The following MTMR7 variants were observed in gnomAD, a reference collection of about 807,000 sequenced individuals.
MTMR7 encodes phosphatidylinositol-3-phosphate phosphatase MTMR7.
In MTMR7, 76 loss-of-function variants were observed where a neutral mutation model predicts 81.2. The ratio of observed to expected loss-of-function variants is 0.94; its 90% CI spans 0.78 to 1.13. The LOEUF (loss-of-function observed/expected upper bound fraction) is 1.13. MTMR7 is among the 50% of genes most tolerant of loss of function. The pLI is 0.00. For missense variants in MTMR7, 1,044 were observed against 820.0 expected (o/e 1.27, Z -3.34); for synonymous variants, 372 against 289.8 (o/e 1.28, Z -2.88).
chr8:17,344,719 A>G (rs1197440882), intron 5 of MTMR7, among the ~76,000 whole-genome samples: 1 of 152,206 alleles, frequency 6.6e-6, no homozygotes, highest in Non-Finnish European at 1.5e-5. Context: ...CAGTTTTCTC[A>G]TCTATAAAAT....
intron 2 of MTMR7, among the ~76,000 whole-genome samples, chr8:17,372,380 G>C (rs993112576): frequency 1.8e-4 from 28 of 152,142 alleles, no homozygotes; most frequent in African/African-American, 4.3e-4. Context: ...CAGGTCAGGA[G>C]TTTGAGGCCA....
chr8:17,334,562 T>G (rs950859909), intron 6 of MTMR7, among the ~76,000 whole-genome samples: 27 of 152,244 alleles, frequency 1.8e-4, no homozygotes, highest in Non-Finnish European at 3.5e-4. Flanking sequence ...ACAAGGTTCA[T>G]TTGCTGTTTG....
chr8:17,331,291 G>C lies in MTMR7; in HGVS notation c.733-9C>G, dbSNP rs373586018. On this transcript the variant is annotated splice_polypyrimidine_tract_variant and intron_variant, in intron 6 of 13. Transcript: ENST00000180173. The stretch of plus-strand genomic sequence containing the variant: ...TTTGCCATTGCATTAAGCTGCAGTG[G>C]TCAGCAAAACAGAACAGTCATCAAT... 41 of 1,584,082 alleles carry C rather than the reference G, an allele frequency of 2.6e-5. No individual in the cohort carries two copies. Among genetic ancestry groups the C allele is most frequent in the Non-Finnish European group, 3.4e-5 (40 of 1,168,778 alleles).
At chr8:17,302,702 A>ACCC (rs1460018324) in intron 12 of MTMR7, among the ~76,000 whole-genome samples, 5 of 21,778 alleles carry the variant, frequency 2.3e-4, no homozygotes, top group Non-Finnish European at 7.4e-4. Flanking sequence ...CATTGGCAAT[A>ACCC]ACCCCCCCCC....
At chr8:17,306,809 T>G (rs1364842919) in intron 10 of MTMR7, among the ~76,000 whole-genome samples, 2 of 152,200 alleles carry the variant, frequency 1.3e-5, no homozygotes, top group African/African-American at 4.8e-5. Flanking sequence ...TTGGTAGCTT[T>G]AAAAAGTGTT....
intron 1 of MTMR7, among the ~76,000 whole-genome samples, chr8:17,412,728 T>G (rs1448243906): frequency 1.3e-5 from 2 of 152,158 alleles, no homozygotes; most frequent in African/African-American, 4.8e-5. Flanking sequence ...TGAATATTGA[T>G]TATCCGTTCT....
At chr8:17,363,332 A>AG (rs1227545272) in intron 3 of MTMR7, among the ~76,000 whole-genome samples, 11 of 152,234 alleles carry the variant, frequency 7.2e-5, no homozygotes, top group African/African-American at 2.7e-4. Context: ...CAGTTCCCTG[A>AG]GTGAAAGAAG....
rs779278498 is a variant in MTMR7 at position 17,361,118 on chromosome 8, C to T, written c.467G>A (p.Arg156Lys). 3.7e-6 allele frequency: 6 copies of T among 1,614,012 alleles called. No individual in the cohort carries two copies. The African/African-American group carries it at 8.0e-5, about 22-fold the overall frequency. Residue 156 changes from arginine to lysine, a missense_variant and splice_region_variant, in exon 4 of 14, where the codon AGA becomes AAA. By Grantham distance (26) the Arg-to-Lys change is conservative (BLOSUM62 2). Coordinates refer to ENST00000180173, the MANE Select transcript of MTMR7 (RefSeq NM_004686.5). ...AGTGTTTGGGTTTCACGCACTCACTCTGTAGTCTCTATTCACATCGCTGAG... is the reference window on the plus strand; with the variant it reads ...AGTGTTTGGGTTTCACGCACTCACTTTGTAGTCTCTATTCACATCGCTGAG... ...WQLSDVNRDY[R>K]VCDSYPTELY... is the part of the protein sequence containing the mutation.
rs759135673 is a variant in MTMR7 at position 17,348,952 on chromosome 8, C to T, written c.597+1G>A. ...AAACAAAAACACGCCTCGAGACTTA[C>T]GTGGTTATCTTTATAATAGTAAGAA... On this transcript the variant is annotated splice_donor_variant, in intron 5 of 13. Transcript: ENST00000180173. LOFTEE classifies it high-confidence loss of function. The T allele has an allele frequency of 4.3e-6, 7 of 1,613,600 alleles. No homozygotes were observed. The highest frequency in any genetic ancestry group is 5.9e-6 in the Non-Finnish European group (7 of 1,179,920).
intron 6 of MTMR7, among the ~76,000 whole-genome samples, chr8:17,336,352 T>C (rs1257463450): frequency 1.3e-5 from 2 of 152,050 alleles, no homozygotes; most frequent in African/African-American, 4.8e-5. Context: ...AATTTCTCCA[T>C]CCTTGCCCTG....
intron 4 of MTMR7, among the ~76,000 whole-genome samples, chr8:17,351,592 G>A (rs1017883298): frequency 7.2e-5 from 11 of 152,180 alleles, no homozygotes; most frequent in South Asian, 2.1e-4. Flanking sequence ...AACAACCTGC[G>A]CCCAGTCACC....
Position 17,383,476 on chromosome 8 carries a change from C to T in MTMR7, c.25-10236G>A, listed in dbSNP as rs564933392. ...ATGAAAAATCAATCAACTGCCCAAG[C>T]CTCGCATCTAGAAAGTGGCAGAGCC... On this transcript the variant is annotated intron_variant, in intron 1 of 13. Transcript: ENST00000180173. Among the ~76,000 whole-genome samples, 73 of 152,212 alleles carry T rather than the reference C, an allele frequency of 4.8e-4. 2 individuals are homozygous for T. Among genetic ancestry groups the T allele is most frequent in the Non-Finnish European group, 1.2e-4 (8 of 68,040 alleles).
chr8:17,399,418 T>A (rs1350213881), intron 1 of MTMR7, among the ~76,000 whole-genome samples: 2 of 151,566 alleles, frequency 1.3e-5, no homozygotes, highest in Admixed American at 1.3e-4. Flanking sequence ...AGGAAACAAT[T>A]TAACTTAAGT....
At chr8:17,321,855 C>T (rs1818403591) in intron 7 of MTMR7, among the ~76,000 whole-genome samples, 2 of 152,076 alleles carry the variant, frequency 1.3e-5, no homozygotes, top group South Asian at 2.1e-4. Flanking sequence ...ATATAAACTA[C>T]AGTAAAAAAA....
chr8:17,303,319 T>A lies in MTMR7; in HGVS notation c.1494-1039A>T, dbSNP rs748272738. On this transcript the variant is annotated intron_variant, in intron 12 of 13. Transcript: ENST00000180173. ...TGTTTAGTATGATAGAATATTCTGC[T>A]ATAAATTCTGAGAAGATAATTAGAT... Among the ~76,000 whole-genome samples, 148 of 152,266 alleles carry A rather than the reference T, an allele frequency of 9.7e-4. 1 individual carries two copies. Among genetic ancestry groups the A allele is most frequent in the Admixed American group, 2.0e-3 (31 of 15,282 alleles).
intron 4 of MTMR7, chr8:17,349,492 G>C (rs1586231028): frequency 5.6e-6 from 1 of 177,784 alleles, no homozygotes; most frequent in Admixed American, 5.3e-5. Context: ...AAGCACACTG[G>C]TTAAGCCAGC....
chr8:17,376,257 G>C (rs1274094988), intron 1 of MTMR7, among the ~76,000 whole-genome samples: 1 of 152,136 alleles, frequency 6.6e-6, no homozygotes, highest in African/African-American at 2.4e-5. Context: ...TCTATTCATA[G>C]AATGTACCAG....
intron 7 of MTMR7, among the ~76,000 whole-genome samples, chr8:17,314,189 C>T (rs1382186704): frequency 1.3e-5 from 2 of 152,110 alleles, no homozygotes; most frequent in South Asian, 2.1e-4. Context: ...ATCACAAATA[C>T]GGCAATCCAA....
At chr8:17,356,300 C>T (rs911802239) in intron 4 of MTMR7, among the ~76,000 whole-genome samples, 2 of 152,048 alleles carry the variant, frequency 1.3e-5, no homozygotes, top group Admixed American at 1.3e-4. Context: ...ATTTAGCTGG[C>T]CCCCATTCCA....
Sources: allele counts gnomAD v4.1 joint callset (sites outside exome capture counted in the v4.1 genomes callset), GRCh38; gene constraint gnomAD v4.1.1; transcripts MANE v1.5; gene names NCBI Gene and HGNC (gene_info 2026-07-23, HGNC 2026-07-21).